Variants in CAMK4 observed in about 807,000 individuals in gnomAD.
CAMK4 encodes the protein calcium/calmodulin-dependent protein kinase type IV.
CAMK4 carries 22 observed loss-of-function variants against 44.9 expected under a neutral mutation model. That is an observed-to-expected ratio of 0.49 (90% CI 0.35 to 0.70). CAMK4 has a LOEUF of 0.70. Among genes scored for constraint, CAMK4 ranks in the 30% least tolerant of loss-of-function variants. CAMK4 has a pLI of 0.01. For missense variants in CAMK4, 498 were observed against 586.8 expected, an observed-to-expected ratio of 0.85 and a Z score of 1.56; for synonymous variants, 218 against 215.4, an observed-to-expected ratio of 1.01 and a Z score of -0.11.
At chr5:111,427,707 G>A (rs1205238462) in intron 5 of CAMK4, among the ~76,000 whole-genome samples, 2 of 152,208 alleles carry the variant, frequency 1.3e-5, no homozygotes, top group African/African-American at 2.4e-5. Flanking sequence ...TTGAGTGCCA[G>A]CTCAGCTGCA....
chr5:111,265,744 G>A (rs1750211805), intron 1 of CAMK4: 1 of 152,200 alleles, frequency 6.6e-6, no homozygotes, highest in Admixed American at 6.5e-5. Flanking sequence ...GAGGCAGAAT[G>A]AGTAATAGAG....
intron 3 of CAMK4, among the ~76,000 whole-genome samples, chr5:111,375,958 G>A (rs959504675): frequency 1.3e-5 from 2 of 152,086 alleles, no homozygotes; most frequent in African/African-American, 4.8e-5. Flanking sequence ...GGCAGTGGAA[G>A]TCTCTTCAAA....
chr5:111,430,741 C>T (rs1373346901), intron 5 of CAMK4, among the ~76,000 whole-genome samples: 1 of 152,020 alleles, frequency 6.6e-6, no homozygotes, highest in East Asian at 1.9e-4. Context: ...TGGAAACTTA[C>T]CCAAGGAAGT....
chr5:111,321,201 T>C (rs774730187), intron 1 of CAMK4, among the ~76,000 whole-genome samples: 1 of 152,148 alleles, frequency 6.6e-6, no homozygotes, highest in African/African-American at 2.4e-5. Flanking sequence ...GTGGTATAAA[T>C]GTGTGAAGCT....
intron 2 of CAMK4, among the ~76,000 whole-genome samples, chr5:111,366,260 G>A (rs1200900523): frequency 6.6e-6 from 1 of 152,132 alleles, no homozygotes; most frequent in African/African-American, 2.4e-5. Flanking sequence ...AAGATTTATA[G>A]TCTTAATCTC....
chr5:111,281,921 G>A (rs1271146880), intron 1 of CAMK4, among the ~76,000 whole-genome samples: 2 of 151,814 alleles, frequency 1.3e-5, no homozygotes, highest in Non-Finnish European at 2.9e-5. Context: ...AGCCGGGCGA[G>A]GTGGCGGGCG....
At chr5:111,420,373 T>G in intron 5 of CAMK4, among the ~76,000 whole-genome samples, 1 of 151,820 alleles carries the variant, frequency 6.6e-6, no homozygotes, top group African/African-American at 2.4e-5. Context: ...TATACAATCA[T>G]GTCATCTGCA....
chr5:111,354,801 A>G (rs1314530492), intron 2 of CAMK4, among the ~76,000 whole-genome samples: 1 of 149,254 alleles, frequency 6.7e-6, no homozygotes, highest in African/African-American at 2.4e-5. Flanking sequence ...GGAACCACCA[A>G]CCTCTCCAGG....
intron 1 of CAMK4, among the ~76,000 whole-genome samples, chr5:111,257,811 C>A (rs997364983): frequency 6.6e-6 from 1 of 152,168 alleles, no homozygotes; most frequent in Non-Finnish European, 1.5e-5. Flanking sequence ...GAATACTATG[C>A]AGCCATAAAA....
chr5:111,247,686 A>G (rs1322662818), intron 1 of CAMK4, among the ~76,000 whole-genome samples: 1 of 152,104 alleles, frequency 6.6e-6, no homozygotes, highest in East Asian at 1.9e-4. Flanking sequence ...TTTTGCTCCT[A>G]AGGACTTTCA....
At chr5:111,318,409 G>C (rs753128070) in intron 1 of CAMK4, among the ~76,000 whole-genome samples, 1 of 152,140 alleles carries the variant, frequency 6.6e-6, no homozygotes, top group Non-Finnish European at 1.5e-5. Flanking sequence ...TGTTTATAAA[G>C]TATAAGACTC....
chr5:111,484,481 A>G lies in CAMK4; in HGVS notation c.*15A>G, dbSNP rs1177151001. ...CAGAGTACTAAACAGCTTCCTTCAGATCTGGAAGCCAAACACCGGCATTTT... is the reference window on the plus strand; with the variant it reads ...CAGAGTACTAAACAGCTTCCTTCAGGTCTGGAAGCCAAACACCGGCATTTT... On this transcript the variant is annotated 3_prime_UTR_variant, in exon 11 of 11. Transcript: ENST00000282356. The surrounding 1 kb of genome is among the most constrained non-coding windows in gnomAD (Gnocchi z 5.3). 1 of 1,472,074 alleles carries G rather than the reference A, an allele frequency of 6.8e-7. No homozygotes were observed. The highest frequency in any genetic ancestry group is 9.1e-7 in the Non-Finnish European group (1 of 1,104,120). 91.2% of individuals were successfully genotyped at this position (1,472,074 alleles called of 1,614,324 possible).
chr5:111,224,447 C>T lies in CAMK4; in HGVS notation c.-37C>T, dbSNP rs750225738. ...CGGCTTCTCGCTCGGGCAGCGGCGG[C>T]GGCGGCGGCGGCGGCTTCCGGAGTC... On this transcript the variant is annotated 5_prime_UTR_variant, in exon 1 of 11. Transcript: ENST00000282356. This position sits in a 1 kb window ranked among gnomAD's most constrained non-coding sequence, Gnocchi z 5.7. The T allele has an allele frequency of 2.6e-6, 4 of 1,547,506 alleles. No homozygotes were observed. Among genetic ancestry groups the T allele is most frequent in the African/African-American group, 1.4e-5 (1 of 69,628 alleles).
chr5:111,384,379 C>G lies in CAMK4; in HGVS notation c.386+7437C>G, dbSNP rs1751524288. On this transcript the variant is annotated intron_variant, in intron 4 of 10. Coordinates refer to ENST00000282356, the MANE Select transcript of CAMK4 (RefSeq NM_001744.6). ...CTCTTGATCTCTTTCCTGAGTTCCT[C>G]TTCCCCTCCCCACCTCTTAAGTTCC... 4.6e-5 allele frequency among the ~76,000 whole-genome samples: 7 copies of G among 152,156 alleles called. No homozygotes were observed. In the South Asian group the frequency reaches 1.5e-3, roughly 32 times the overall value.
intron 1 of CAMK4, among the ~76,000 whole-genome samples, chr5:111,325,785 C>A (rs1748860208): frequency 6.6e-6 from 1 of 151,868 alleles, no homozygotes; most frequent in Non-Finnish European, 1.5e-5. Context: ...AGACCTTTGT[C>A]AGATGGACAG....
At chr5:111,344,258 C>G (rs1580624150) in intron 2 of CAMK4, among the ~76,000 whole-genome samples, 156 bp downstream of exon 2, 3 of 151,710 alleles carry the variant, frequency 2.0e-5, no homozygotes, top group South Asian at 2.1e-4. Flanking sequence ...AGGTTGTTGT[C>G]TGGTGGAAAT....
At chr5:111,435,516 C>A (rs762257224) in intron 5 of CAMK4, among the ~76,000 whole-genome samples, 1 of 152,144 alleles carries the variant, frequency 6.6e-6, no homozygotes, top group Non-Finnish European at 1.5e-5. Context: ...ATCCTCAGTC[C>A]TGCCCAATCA....
intron 4 of CAMK4, among the ~76,000 whole-genome samples, chr5:111,377,803 A>T (rs1751271603): frequency 1.3e-5 from 2 of 152,264 alleles, no homozygotes; most frequent in South Asian, 4.1e-4. Context: ...ATGGGGCAAG[A>T]GACAGGTAGA....
At chr5:111,269,107 G>T (rs1276466630) in intron 1 of CAMK4, among the ~76,000 whole-genome samples, 1 of 152,168 alleles carries the variant, frequency 6.6e-6, no homozygotes, top group Non-Finnish European at 1.5e-5. Flanking sequence ...TGGAAGAAAT[G>T]CTTTTATAGT....
Sources: gnomAD v4.1 joint callset for allele counts (sites outside exome capture counted in the v4.1 genomes callset) on GRCh38, gnomAD v4.1.1 for gene constraint, Gnocchi (gnomAD v3.1) non-coding constraint, MANE v1.5 for transcripts, NCBI Gene and HGNC (gene_info 2026-07-23, HGNC 2026-07-21) for gene names.